The following CRYBG3 variants were observed in gnomAD, a reference collection of about 807,000 sequenced individuals.
CRYBG3 encodes the protein crystallin beta-gamma domain containing 3.
Under a neutral mutation model 244.2 loss-of-function variants are expected in CRYBG3, and 127 were observed. The ratio of observed to expected loss-of-function variants is 0.52; its 90% confidence interval spans 0.45 to 0.60. CRYBG3 has a LOEUF of 0.60. CRYBG3 is among the 20% of genes least tolerant of loss of function. The probability of loss-of-function intolerance (pLI) is 0.00; values close to 1 mark genes in which losing one functional copy is unlikely to be tolerated. For missense variants in CRYBG3, 3,325 were observed against 3,442.5 expected (o/e 0.97, Z 0.85); for synonymous variants, 1,132 against 1,195.8 (o/e 0.95, Z 1.10).
At chr3:97,892,164 G>C (rs1177343126) in intron 10 of CRYBG3, among the ~76,000 whole-genome samples, 1 of 152,074 alleles carries the variant, frequency 6.6e-6, no homozygotes. Context: ...TCAGTTGAAG[G>C]CTCTGCTCTT....
At position 97,877,505 on chromosome 3, in the gene CRYBG3, C is replaced by T. The variant is rs759367158; in HGVS notation, c.6311C>T (p.Ser2104Leu). 2 of 1,614,180 alleles carry T rather than the reference C, an allele frequency of 1.2e-6. No homozygotes were observed. The highest frequency in any genetic ancestry group is 1.7e-5 in the Admixed American group (1 of 60,024). Residue 2104 changes from serine (S) to leucine (L), a missense_variant, in exon 4 of 22, where the codon TCA becomes TTA. Physicochemically the swap from Ser to Leu is moderately radical, Grantham distance 145 (BLOSUM62 -2). Transcript: ENST00000389622. ...SQEDILSSEV[S>L]PGHHGPRKSR... ...GAGGACATTCTATCTAGTGAGGTTT[C>T]ACCTGGTCACCATGGCCCCAGGAAA...
intron 16 of CRYBG3, among the ~76,000 whole-genome samples, chr3:97,914,461 A>G (rs2039906220): frequency 6.6e-6 from 1 of 152,178 alleles, no homozygotes; most frequent in African/African-American, 2.4e-5. Flanking sequence ...ATGTCTCTTC[A>G]TGTAGGAAAC....
intron 15 of CRYBG3, among the ~76,000 whole-genome samples, chr3:97,910,698 C>A (rs1559741370): frequency 6.6e-6 from 1 of 152,200 alleles, no homozygotes; most frequent in Non-Finnish European, 1.5e-5. Flanking sequence ...ATGCAGAAAT[C>A]ACCGTCTTCT....
At chr3:97,840,498 T>C (rs7621778) in intron 1 of CRYBG3, among the ~76,000 whole-genome samples, 116,138 of 151,986 alleles carry the variant, frequency 0.76, 44,945 homozygotes, top group East Asian at 0.85. Context: ...CAGTACTTAA[T>C]GTGCTGATTT....
chr3:97,888,391 A>G lies in CRYBG3; in HGVS notation c.7340A>G (p.Glu2447Gly), dbSNP rs764185025. The change falls in exon 9 of 22, where the codon GAG becomes GGG. Residue 2447 changes from glutamate to glycine, a missense_variant. By Grantham distance (98) the Glu-to-Gly change is moderately conservative. Coordinates refer to ENST00000389622, the MANE Select transcript of CRYBG3 (RefSeq NM_153605.4). ...INFKGQATVL[E>G]EDHGLFEIST... is the part of the protein sequence containing the mutation. ...TTTAAGGGACAAGCTACAGTTCTGG[A>G]GGAAGACCATGGGCTCTTTGAGATT... 3.7e-6 allele frequency: 6 copies of G among 1,613,162 alleles called. No individual in the cohort carries two copies. The Admixed American group carries it at 1.0e-4, about 27-fold the overall frequency.
chr3:97,891,560 T>A (rs918778117), intron 10 of CRYBG3, among the ~76,000 whole-genome samples: 1 of 152,190 alleles, frequency 6.6e-6, no homozygotes, highest in African/African-American at 2.4e-5. Flanking sequence ...CAAGACACTT[T>A]CGTAAGCAGT....
At chr3:97,824,719 A>T (rs540746294) in intron 1 of CRYBG3, among the ~76,000 whole-genome samples, 10 of 152,314 alleles carry the variant, frequency 6.6e-5, no homozygotes, top group Middle Eastern at 3.4e-3. Flanking sequence ...TAGGCACTCA[A>T]ATTGCTTGAT....
chr3:97,835,047 GTTC>G (rs1021406573), intron 1 of CRYBG3, among the ~76,000 whole-genome samples: 2 of 152,070 alleles, frequency 1.3e-5, no homozygotes, highest in African/African-American at 2.4e-5. Context: ...AAAAGTAAAA[GTTC>G]TTCTTCAAGA....
intron 16 of CRYBG3, among the ~76,000 whole-genome samples, chr3:97,912,845 A>G (rs952250289): frequency 1.3e-5 from 2 of 152,156 alleles, no homozygotes; most frequent in Non-Finnish European, 2.9e-5. Context: ...TGTGATTCCC[A>G]TGGCTAAAAT....
At chr3:97,913,822 C>T (rs756673228) in intron 16 of CRYBG3, among the ~76,000 whole-genome samples, 1 of 152,184 alleles carries the variant, frequency 6.6e-6, no homozygotes, top group African/African-American at 2.4e-5. Context: ...TCCACCTTCT[C>T]TTTAAAAATC....
rs757121949 is a variant in CRYBG3, at chr3:97,875,272, G to T, written c.4078G>T (p.Val1360Phe). 8 of 1,470,060 alleles carry T rather than the reference G, an allele frequency of 5.4e-6. No homozygotes were observed. The highest frequency in any genetic ancestry group is 7.1e-6 in the Non-Finnish European group (8 of 1,119,324). 91.1% of individuals were successfully genotyped at this position (1,470,060 alleles called of 1,614,324 possible). Residue 1360 changes from valine to phenylalanine, a missense_variant, in exon 4 of 22, where the codon GTT becomes TTT. Physicochemically the swap from Val to Phe is conservative, Grantham distance 50 (BLOSUM62 -1). Around this residue, in one of 4 missense-constraint regions of CRYBG3, gnomAD observed 635 missense variants for 771.7 expected, o/e 0.82. Transcript: ENST00000389622. The stretch of plus-strand genomic sequence containing the variant: ...ACATGATGTAGTTAGAGAGTTCTTG[G>T]TTTCAGAACAGCCAGTAAATCAAAG... ...KPHDVVREFL[V>F]SEQPVNQSTQ...
intron 17 of CRYBG3, among the ~76,000 whole-genome samples, chr3:97,916,705 T>C (rs572933589): frequency 5.9e-5 from 9 of 152,066 alleles, no homozygotes; most frequent in Non-Finnish European, 1.3e-4. Flanking sequence ...ACCTAAGCAA[T>C]GTAGTCCTAT....
intron 3 of CRYBG3, among the ~76,000 whole-genome samples, chr3:97,871,428 A>C (rs2039300770): frequency 6.6e-6 from 1 of 152,208 alleles, no homozygotes; most frequent in Non-Finnish European, 1.5e-5. Flanking sequence ...GGTCATTATG[A>C]TGCTTTAATG....
intron 2 of CRYBG3, among the ~76,000 whole-genome samples, chr3:97,852,442 A>G (rs2038999777): frequency 6.6e-6 from 1 of 152,144 alleles, no homozygotes; most frequent in Non-Finnish European, 1.5e-5. Flanking sequence ...GGTCATGGTT[A>G]GGATTATTGG....
In CRYBG3 at chr3:97,848,606, GTTTT is replaced by G. The variant is rs1227169256; in HGVS notation, c.216+5346_216+5349del. 4.5e-3 allele frequency among the ~76,000 whole-genome samples: 680 copies of G among 152,206 alleles called. 2 individuals are homozygous for G. Among genetic ancestry groups the G allele is most frequent in the African/African-American group, 0.015 (619 of 41,552 alleles). The stretch of plus-strand genomic sequence containing the variant: ...ATGAGCCACTGCACCCAGCCTGTTT[GTTTT>G]CTAACAGACAGGTCTTGCTATGTCT... On this transcript the variant is annotated intron_variant, in intron 2 of 21. Coordinates refer to ENST00000389622, the MANE Select transcript of CRYBG3 (RefSeq NM_153605.4).
chr3:97,840,452 T>G (rs1173142629), intron 1 of CRYBG3, among the ~76,000 whole-genome samples: 2 of 152,142 alleles, frequency 1.3e-5, no homozygotes, highest in Non-Finnish European at 2.9e-5. Flanking sequence ...AATATTTCTT[T>G]TGGTGATTTT....
At position 97,872,360 on chromosome 3, in the gene CRYBG3, A is replaced by G. The variant is rs1309528287; in HGVS notation, c.1166A>G (p.His389Arg). 12 of 1,535,880 alleles carry G rather than the reference A, an allele frequency of 7.8e-6. No individual in the cohort carries two copies. The highest frequency in any genetic ancestry group is 1.4e-5 in the African/African-American group (1 of 73,020). The change falls in exon 4 of 22, where the codon CAT (histidine) becomes CGT (arginine). Residue 389 changes from histidine to arginine, a missense_variant. Transcript: ENST00000389622. ...VCSALLTGSN[H>R]RKVPCSPDFQ... ...TCAGCATTGTTAACAGGAAGTAACCATCGCAAAGTCCCTTGCAGCCCAGAT... is the reference window on the plus strand; with the variant it reads ...TCAGCATTGTTAACAGGAAGTAACCGTCGCAAAGTCCCTTGCAGCCCAGAT...
At chr3:97,912,612 A>C (rs1054270463) in intron 16 of CRYBG3, among the ~76,000 whole-genome samples, 1 of 152,204 alleles carries the variant, frequency 6.6e-6, no homozygotes, top group African/African-American at 2.4e-5. Flanking sequence ...GTTTTTATTC[A>C]AGTAAGACAT....
intron 1 of CRYBG3, among the ~76,000 whole-genome samples, chr3:97,825,164 G>T (rs1278853589): frequency 6.6e-6 from 1 of 152,170 alleles, no homozygotes. Flanking sequence ...TTGGAACTGG[G>T]TTATAAAGGT....
Sources: allele counts gnomAD v4.1 joint callset (sites outside exome capture counted in the v4.1 genomes callset), GRCh38; gene constraint gnomAD v4.1.1; regional missense constraint gnomAD v4.1.1; transcripts MANE v1.5; gene names NCBI Gene and HGNC (gene_info 2026-07-23, HGNC 2026-07-21).